Variants in CEBPZOS observed in about 807,000 individuals in gnomAD.
CEBPZOS encodes protein CEBPZOS.
A neutral mutation model predicts 4.8 loss-of-function variants in CEBPZOS; 10 were observed. The ratio of observed to expected loss-of-function variants is 2.07; its 90% CI spans 1.28 to 3.52. The LOEUF is 3.52. Ranked by LOEUF, CEBPZOS falls within the 30% of genes most tolerant of loss-of-function variation. The pLI is 0.00. For synonymous variants in CEBPZOS, 25 were observed against 14.2 expected (o/e 1.77, Z -1.72); for missense variants, 98 against 43.6 (o/e 2.25, Z -3.51).
At chr2:37,210,824 T>G (rs1022262818) in intron 4 of CEBPZOS, 2 of 484,434 alleles carry the variant, frequency 4.1e-6, no homozygotes, top group African/African-American at 4.0e-5. Flanking sequence ...GATATCTGAA[T>G]GCGAGAAACA....
In CEBPZOS at chr2:37,202,854, T is replaced by C. The variant is rs200158688; in HGVS notation, c.*994T>C. On this transcript the variant is annotated 3_prime_UTR_variant, in exon 5 of 5. Transcript: ENST00000402297. ...ACTTGGATCCCATATTTTCATCCAA[T>C]AGATGGCCAAACTTTTAAACAAAAA... 15 of 1,601,664 alleles carry C rather than the reference T, an allele frequency of 9.4e-6. No homozygotes were observed. Among genetic ancestry groups the C allele is most frequent in the East Asian group, 4.5e-5 (2 of 44,352 alleles).
intron 2 of CEBPZOS, among the ~76,000 whole-genome samples, chr2:37,200,296 A>G (rs1273140733): frequency 6.6e-6 from 1 of 152,168 alleles, no homozygotes; most frequent in East Asian, 1.9e-4. Context: ...TCTTGGGGAA[A>G]TTTTATATTA....
chr2:37,212,781 G>A lies in CEBPZOS; in HGVS notation c.*3-656G>A, dbSNP rs1572499559. 3 of 163,988 alleles carry A rather than the reference G, an allele frequency of 1.8e-5. No individual in the cohort carries two copies. The East Asian group carries it at 5.3e-4, about 29-fold the overall frequency. 10.2% of individuals were successfully genotyped at this position (163,988 alleles called of 1,614,324 possible). Reference sequence around the variant, plus strand: ...TGCTTGTAATTCCAGCACTTTGGGAGGCCGAGGTGGAGTGATCATCAGCCT... The same window carrying A: ...TGCTTGTAATTCCAGCACTTTGGGAAGCCGAGGTGGAGTGATCATCAGCCT... On this transcript the variant is annotated intron_variant, in intron 4 of 4. Transcript: ENST00000397064.
intron 1 of CEBPZOS, chr2:37,197,213 T>G (rs1053055688): frequency 1.3e-5 from 2 of 152,474 alleles, no homozygotes; most frequent in Non-Finnish European, 2.9e-5. Flanking sequence ...CGTGTCTCCC[T>G]TGCCGCAGCT....
Position 37,212,305 on chromosome 2 carries a change from AAT to A in CEBPZOS, c.*3-1130_*3-1129del, listed in dbSNP as rs1677746911. On this transcript the variant is annotated intron_variant, in intron 4 of 4. Coordinates refer to the CEBPZOS transcript ENST00000397064. ...ACAACAATTTGGGAAATGCTAGAAA[AAT>A]AGGAAGGAGAAGATAGAAGTATGTT... 1.9e-6 allele frequency: 3 copies of A among 1,595,236 alleles called. No homozygotes were observed. In the African/African-American group the frequency reaches 4.0e-5, roughly 21 times the overall value.
chr2:37,197,337 G>A (rs1455636584), intron 1 of CEBPZOS: 1 of 152,228 alleles, frequency 6.6e-6, no homozygotes, highest in African/African-American at 2.4e-5. Flanking sequence ...AAACGTATAT[G>A]TATTTTTAAA....
At chr2:37,211,954 C>T in intron 4 of CEBPZOS, 1 of 1,613,736 alleles carries the variant, frequency 6.2e-7, no homozygotes, top group Non-Finnish European at 8.5e-7. Flanking sequence ...TCATCGTCAT[C>T]CAGGTTACCA....
chr2:37,210,723 A>G (rs536771589), intron 4 of CEBPZOS: 1 of 315,242 alleles, frequency 3.2e-6, no homozygotes, highest in Admixed American at 4.8e-5. Context: ...TAAAGAACTT[A>G]CCTATGTAAC....
At chr2:37,196,910 C>T (rs953296145) in intron 1 of CEBPZOS, among the ~76,000 whole-genome samples, 13 of 152,198 alleles carry the variant, frequency 8.5e-5, no homozygotes, top group African/African-American at 2.9e-4. Flanking sequence ...TCGTCCTCTG[C>T]ACAGCTAGGC....
intron 1 of CEBPZOS, among the ~76,000 whole-genome samples, chr2:37,197,602 C>A (rs953750509): frequency 4.6e-5 from 7 of 152,110 alleles, no homozygotes; most frequent in Admixed American, 3.3e-4. Flanking sequence ...CCGGGCGTGG[C>A]GGCACACGCC....
chr2:37,199,591 C>T (rs926909501), intron 1 of CEBPZOS, 113 bp from the exon 2 acceptor site: 10 of 634,052 alleles, frequency 1.6e-5, no homozygotes, highest in Non-Finnish European at 2.6e-5. Context: ...TGGTCTTACT[C>T]CCATACAGAG....
chr2:37,202,995 C>A lies in CEBPZOS; in HGVS notation c.*1135C>A. The A allele has an allele frequency of 6.5e-7, 1 of 1,549,914 alleles. No individual in the cohort carries two copies. Among genetic ancestry groups the A allele is most frequent in the African/African-American group, 1.4e-5 (1 of 71,892 alleles). ...GGCTGGAATCATTTAAGTTTCTTTT[C>A]TTTTTTCTTGGCCCTAAAAAAAATT... On this transcript the variant is annotated 3_prime_UTR_variant, in exon 5 of 5. Coordinates refer to ENST00000402297, the MANE Select transcript of CEBPZOS (RefSeq NM_001322374.2).
At chr2:37,210,951 C>A in intron 4 of CEBPZOS, 1 of 1,367,382 alleles carries the variant, frequency 7.3e-7, no homozygotes, top group South Asian at 1.3e-5. Context: ...ATAATGACAC[C>A]TTTCACATGG....
chr2:37,197,913 C>A (rs1196762115), intron 1 of CEBPZOS, among the ~76,000 whole-genome samples: 1 of 151,980 alleles, frequency 6.6e-6, no homozygotes, highest in Non-Finnish European at 1.5e-5. Context: ...GTAATCCTAG[C>A]ACTTTGGGAG....
chr2:37,202,666 AAAAAAAAAAAAAAAAAAAAAAAAAAAG>A lies in CEBPZOS; in HGVS notation c.*809_*835del. The A allele has an allele frequency of 6.0e-5, 2 of 33,260 alleles. No individual in the cohort carries two copies. Among genetic ancestry groups the A allele is most frequent in the African/African-American group, 2.0e-4 (2 of 9,776 alleles). The allele number at this position is 33,260 out of a possible 1,614,324, so 2.1% of individuals were successfully genotyped here. On this transcript the variant is annotated 3_prime_UTR_variant, in exon 5 of 5. Coordinates refer to ENST00000402297, the MANE Select transcript of CEBPZOS (RefSeq NM_001322374.2). Reference sequence around the variant, plus strand: ...TCTCAAAAAAAAAAAAAAAAAAAAAAAAAAAAAAAAAAAAAAAAAAAAAAAAGAATAAATAAAATAACGAAAATTTCC... The same window carrying A: ...TCTCAAAAAAAAAAAAAAAAAAAAAAAATAAATAAAATAACGAAAATTTCC...
rs1476687193 is a variant in CEBPZOS at position 37,211,863 on chromosome 2, T to C, written c.*3-1574T>C. On this transcript the variant is annotated intron_variant, in intron 4 of 4. Coordinates refer to the CEBPZOS transcript ENST00000397064. ...CTTACCTGGAACGCTCTCACTTTCA[T>C]CATCTAACACATCCATGAATGTTCC... 2.5e-6 allele frequency: 4 copies of C among 1,602,882 alleles called. No homozygotes were observed. The African/African-American group carries it at 4.0e-5, about 16-fold the overall frequency.
chr2:37,205,143 C>G (rs1475957388), downstream of CEBPZOS, among the ~76,000 whole-genome samples: 1 of 152,180 alleles, frequency 6.6e-6, no homozygotes, highest in Non-Finnish European at 1.5e-5. Context: ...AAGAAATTGA[C>G]AGCAGTATTT....
chr2:37,203,195 TAAC>T lies in CEBPZOS; in HGVS notation c.*1340_*1342del. The T allele has an allele frequency of 4.7e-6, 2 of 428,582 alleles. No homozygotes were observed. The highest frequency in any genetic ancestry group is 4.1e-6 in the Non-Finnish European group (1 of 241,032). 26.5% of individuals were successfully genotyped at this position (428,582 alleles called of 1,614,324 possible). A position where few individuals can be genotyped will look rare whatever the true frequency, so the allele number is the denominator to read the frequency against. On this transcript the variant is annotated 3_prime_UTR_variant, in exon 5 of 5. Coordinates refer to ENST00000402297, the MANE Select transcript of CEBPZOS (RefSeq NM_001322374.2). Reference sequence around the variant, plus strand: ...TTAGTATATAATATTTTCAAAAAGCTAACAACATCCTAATAGAACTGTTCAGAT... The same window carrying T: ...TTAGTATATAATATTTTCAAAAAGCTAACATCCTAATAGAACTGTTCAGAT...
intron 1 of CEBPZOS, among the ~76,000 whole-genome samples, chr2:37,197,967 C>T (rs1345410179): frequency 6.6e-6 from 1 of 152,078 alleles, no homozygotes; most frequent in African/African-American, 2.4e-5. Flanking sequence ...TGGGGACCAC[C>T]CTGGGCAACA....
Sources: gnomAD v4.1 joint callset for allele counts (sites outside exome capture counted in the v4.1 genomes callset) on GRCh38, gnomAD v4.1.1 for gene constraint, MANE v1.5 for transcripts, NCBI Gene and HGNC (gene_info 2026-07-23, HGNC 2026-07-21) for gene names.